The following FAM13C variants were observed in gnomAD, a reference collection of about 807,000 sequenced individuals.
FAM13C encodes family with sequence similarity 13 member C, also known as protein FAM13C.
FAM13C carries 37 observed loss-of-function variants against 73.2 expected under a neutral mutation model. The observed-to-expected ratio is 0.51, with a 90% CI of 0.39 to 0.67. The LOEUF (loss-of-function observed/expected upper bound fraction) is 0.67. Among genes scored for constraint, FAM13C ranks in the 30% least tolerant of loss-of-function variants. FAM13C has a pLI of 0.00. For synonymous variants in FAM13C, 246 were observed against 260.9 expected (o/e 0.94, Z 0.55); for missense variants, 589 against 715.6 (o/e 0.82, Z 2.02).
chr10:59,296,035 T>C (rs953148459), intron 5 of FAM13C, among the ~76,000 whole-genome samples: 15 of 152,184 alleles, frequency 9.9e-5, no homozygotes, highest in African/African-American at 4.8e-5. Context: ...TAGACTGGGT[T>C]TGCATTTGAA....
chr10:59,267,907 A>C (rs1461388617), intron 8 of FAM13C, among the ~76,000 whole-genome samples: 1 of 152,178 alleles, frequency 6.6e-6, no homozygotes, highest in Non-Finnish European at 1.5e-5. Flanking sequence ...TAAAAGCAAC[A>C]CTGACCATCA....
chr10:59,300,000 G>A (rs545309271), intron 5 of FAM13C, among the ~76,000 whole-genome samples: 2 of 152,280 alleles, frequency 1.3e-5, no homozygotes, highest in South Asian at 2.1e-4. Flanking sequence ...AGACTGGCAG[G>A]TGTCAAATCT....
chr10:59,323,954 A>G, intron 4 of FAM13C, 34 bp downstream of exon 4: 1 of 1,563,066 alleles, frequency 6.4e-7, no homozygotes, highest in Non-Finnish European at 8.8e-7. Flanking sequence ...AGGAACCACA[A>G]GCACAGAATA....
intron 13 of FAM13C, among the ~76,000 whole-genome samples, chr10:59,248,235 G>A (rs192015542): frequency 8.7e-4 from 133 of 152,224 alleles, no homozygotes; most frequent in African/African-American, 3.1e-3. Context: ...AACTTGAAAC[G>A]TTTCCAGATT....
At chr10:59,297,530 G>T (rs534168737) in intron 5 of FAM13C, among the ~76,000 whole-genome samples, 1 of 152,104 alleles carries the variant, frequency 6.6e-6, no homozygotes, top group African/African-American at 2.4e-5. Context: ...CTTCCATCTG[G>T]GTTGGTTTCT....
At chr10:59,269,258 C>T (rs915285720) in intron 7 of FAM13C, among the ~76,000 whole-genome samples, 6 of 151,976 alleles carry the variant, frequency 3.9e-5, no homozygotes, top group Admixed American at 6.6e-5. Context: ...GGAGTTCTGA[C>T]GGAGAAACCA....
chr10:59,263,766 C>A lies in FAM13C; in HGVS notation c.1024+319G>T, dbSNP rs986413986. The A allele has an allele frequency of 1.8e-4, 57 of 323,384 alleles. No individual in the cohort carries two copies. In the East Asian group the frequency reaches 3.7e-3, roughly 21 times the overall value. The allele number at this position is 323,384 out of a possible 1,614,324, so 20.0% of individuals were successfully genotyped here. On this transcript the variant is annotated intron_variant, in intron 9 of 13. Transcript: ENST00000618804. ...GTGTGGAGTAAATGATTTCTCAGGC[C>A]TCTTCTGTTTCTAACATCCAACAAT...
Position 59,267,016 on chromosome 10 carries a change from A to G in FAM13C, c.942+1537T>C, listed in dbSNP as rs148007877. ...TACAAACTTAAGAAGTCGCTACCTA[A>G]TACTCCATTTTACACATGACCAAAC... On this transcript the variant is annotated intron_variant, in intron 8 of 13. Coordinates refer to ENST00000618804, the MANE Select transcript of FAM13C (RefSeq NM_198215.4). Among the ~76,000 whole-genome samples the G allele has an allele frequency of 4.5e-4, 69 of 152,330 alleles. No individual in the cohort carries two copies. The East Asian group carries it at 0.013, about 29-fold the overall frequency.
intron 2 of FAM13C, among the ~76,000 whole-genome samples, chr10:59,353,938 T>G (rs148733307): frequency 5.9e-4 from 90 of 152,334 alleles, no homozygotes; most frequent in African/African-American, 2.1e-3. Context: ...TCTAAGTCAC[T>G]CATAGATTTG....
At chr10:59,252,427 C>T (rs1038527486) in intron 12 of FAM13C, among the ~76,000 whole-genome samples, 2 of 151,984 alleles carry the variant, frequency 1.3e-5, no homozygotes, top group Non-Finnish European at 2.9e-5. Flanking sequence ...CTTCTGTCAA[C>T]TTAAATTAAA....
At chr10:59,317,204 A>G (rs1052748928) in intron 4 of FAM13C, among the ~76,000 whole-genome samples, 2 of 151,952 alleles carry the variant, frequency 1.3e-5, no homozygotes, top group Admixed American at 6.6e-5. Flanking sequence ...ACAAATAACT[A>G]TAACAGAAAT....
intron 8 of FAM13C, among the ~76,000 whole-genome samples, chr10:59,264,410 C>T (rs1451300133): frequency 6.6e-6 from 1 of 152,114 alleles, no homozygotes; most frequent in African/African-American, 2.4e-5. Context: ...TTGCTATGGG[C>T]ACTATTTCTA....
chr10:59,295,073 A>G (rs1846739233), intron 5 of FAM13C, among the ~76,000 whole-genome samples: 1 of 152,240 alleles, frequency 6.6e-6, no homozygotes, highest in Non-Finnish European at 1.5e-5. Context: ...AAATGGGCAC[A>G]TGCCCCAAGC....
At chr10:59,248,096 A>G (rs1840899230) in intron 13 of FAM13C, among the ~76,000 whole-genome samples, 2 of 152,152 alleles carry the variant, frequency 1.3e-5, no homozygotes, top group Non-Finnish European at 2.9e-5. Context: ...CCACACCCCT[A>G]CAGCTGTACA....
chr10:59,262,667 A>T, intron 9 of FAM13C, 22 bp from the exon 10 acceptor site: 1 of 1,597,658 alleles, frequency 6.3e-7, no homozygotes, highest in Non-Finnish European at 8.6e-7. Context: ...GCTATGAGTT[A>T]TCATAAGCAA....
intron 6 of FAM13C, among the ~76,000 whole-genome samples, chr10:59,280,732 G>A (rs572530731): frequency 3.3e-5 from 5 of 152,138 alleles, no homozygotes; most frequent in Admixed American, 2.6e-4. Context: ...CATGAAATGC[G>A]TTCTTGCTGC....
intron 5 of FAM13C, among the ~76,000 whole-genome samples, chr10:59,286,624 T>C (rs1032815835): frequency 1.3e-5 from 2 of 149,928 alleles, no homozygotes. Context: ...GAGCTATTGT[T>C]TAATGGGTAC....
At position 59,324,035 on chromosome 10, in the gene FAM13C, T is replaced by C. The variant is rs888721323; in HGVS notation, c.396A>G (p.Pro132=). 8 of 1,614,032 alleles carry C rather than the reference T, an allele frequency of 5.0e-6. No individual in the cohort carries two copies. In the South Asian group the frequency reaches 6.6e-5, roughly 13 times the overall value. ...VRAGTPAHES[P]QNNAFKCQET... is the part of the protein sequence containing the mutation. Reference sequence around the variant, plus strand: ...CTTGGCACTTGAAGGCATTGTTTTGTGGACTCTCATGAGCTGGTGTTCCTG... The same window carrying C: ...CTTGGCACTTGAAGGCATTGTTTTGCGGACTCTCATGAGCTGGTGTTCCTG... The change falls in exon 4 of 14, where the codon CCA becomes CCG. Residue 132 remains proline, a synonymous_variant. Coordinates refer to ENST00000618804, the MANE Select transcript of FAM13C (RefSeq NM_198215.4).
chr10:59,326,148 CTT>C (rs1851093352), intron 3 of FAM13C, among the ~76,000 whole-genome samples: 2 of 151,908 alleles, frequency 1.3e-5, no homozygotes. Context: ...TAGGATGTAT[CTT>C]AGATATGAAT....
Sources: gnomAD v4.1 joint callset for allele counts (sites outside exome capture counted in the v4.1 genomes callset) on GRCh38, gnomAD v4.1.1 for gene constraint, MANE v1.5 for transcripts, NCBI Gene and HGNC (gene_info 2026-07-23, HGNC 2026-07-21) for gene names.